ZFHX2: variants seen among roughly 807,000 people sequenced by gnomAD.
The protein encoded by ZFHX2 is zinc finger homeobox 2, also known as zinc finger homeobox protein 2.
A neutral mutation model predicts 164.8 loss-of-function variants in ZFHX2; 75 were observed. That is an observed-to-expected ratio of 0.46 (90% CI 0.38 to 0.55). The LOEUF is 0.55. ZFHX2 is among the 20% of genes least tolerant of loss of function. The pLI, the probability that ZFHX2 is intolerant of heterozygous loss-of-function variation, is 0.00. For synonymous variants in ZFHX2, 1,217 were observed against 1,351.4 expected (o/e 0.90, Z 2.18); for missense variants, 2,933 against 3,308.0 (o/e 0.89, Z 2.78).
chr14:23,540,717 GA>G (rs1478675911), intron 1 of ZFHX2, among the ~76,000 whole-genome samples: 2 of 152,160 alleles, frequency 1.3e-5, no homozygotes, highest in Non-Finnish European at 2.9e-5. Flanking sequence ...CCTTATCTGG[GA>G]AAATGGGAAT....
intron 4 of ZFHX2, chr14:23,530,539 G>A: frequency 2.0e-6 from 1 of 496,794 alleles, no homozygotes; most frequent in Admixed American, 2.7e-5. Flanking sequence ...TGTAGTAGGA[G>A]GGGCACTGAA....
In ZFHX2 at chr14:23,528,743, C is replaced by T. The variant is rs559117931; in HGVS notation, c.2935-939G>A. 7 of 985,442 alleles carry T rather than the reference C, an allele frequency of 7.1e-6. No homozygotes were observed. In the African/African-American group the frequency reaches 1.2e-4, roughly 17 times the overall value. The allele number at this position is 985,442 out of a possible 1,614,324, so 61.0% of individuals were successfully genotyped here. ...ATGTGAATAAACACCACAGCTCCCC[C>T]AGTGGCCCAGGAAAATTCTGGCCCA... is the stretch of plus-strand genomic sequence containing the variant. On this transcript the variant is annotated intron_variant, in intron 6 of 9. Transcript: ENST00000419474.
Position 23,527,652 on chromosome 14 carries a change from G to A in ZFHX2, c.3087C>T (p.Ser1029=), listed in dbSNP as rs1165650364. ...ACTCGGGCACCACGTTGTGAAGGTG[G>A]CTAAGGTGGAAGTGCAGGGCAGGCC... ...VGRPALHFHL[S]HLHNVVPECV... Residue 1029 remains serine, a synonymous_variant, in exon 7 of 10, where the codon AGC becomes AGT. Coordinates refer to ENST00000419474, the MANE Select transcript of ZFHX2 (RefSeq NM_033400.3). 1.3e-6 allele frequency: 2 copies of A among 1,536,352 alleles called. No homozygotes were observed. The highest frequency in any genetic ancestry group is 2.7e-5 in the African/African-American group (2 of 73,060).
At position 23,550,270 on chromosome 14, in the gene ZFHX2, C is replaced by T. The variant is rs148476141; in HGVS notation, c.-50+1073G>A. ...ATGCTGAAGGCACTAGAGGCTTTGGCGAAGACACATTTGCTCCATCATCCC... is the reference window on the plus strand; with the variant it reads ...ATGCTGAAGGCACTAGAGGCTTTGGTGAAGACACATTTGCTCCATCATCCC... On this transcript the variant is annotated intron_variant, in intron 1 of 9. Coordinates refer to ENST00000419474, the MANE Select transcript of ZFHX2 (RefSeq NM_033400.3). Among the ~76,000 whole-genome samples the T allele has an allele frequency of 1.8e-3, 273 of 152,290 alleles. 6 individuals carry two copies. The East Asian group carries it at 0.048, about 27-fold the overall frequency.
chr14:23,528,873 C>T (rs914705918), intron 6 of ZFHX2: 1 of 976,168 alleles, frequency 1.0e-6, no homozygotes, highest in Non-Finnish European at 1.2e-6. Flanking sequence ...CAGGCTGGCA[C>T]CAGTGGCACA....
rs570214491 is a variant in ZFHX2 at position 23,525,658 on chromosome 14, G to A, written c.4284C>T (p.Pro1428=). 160 of 1,535,360 alleles carry A rather than the reference G, an allele frequency of 1.0e-4. No homozygotes were observed. Among genetic ancestry groups the A allele is most frequent in the African/African-American group, 9.3e-4 (68 of 73,132 alleles). Residue 1428 remains proline (P), a synonymous_variant, in exon 9 of 10, where the codon CCC becomes CCT. Transcript: ENST00000419474. This position sits in a 1 kb window ranked among gnomAD's most constrained non-coding sequence, Gnocchi z 5.9. ...EGNEAGPSSP[P]DPLPNEAART... ...GGGCAGCCTCGTTGGGCAATGGGTCGGGGGGTGAGGAAGGCCCTGCCTCAT... is the reference window on the plus strand; with the variant it reads ...GGGCAGCCTCGTTGGGCAATGGGTCAGGGGGTGAGGAAGGCCCTGCCTCAT...
intron 4 of ZFHX2, chr14:23,530,719 G>A (rs765698437): frequency 6.4e-6 from 2 of 313,472 alleles, no homozygotes; most frequent in Non-Finnish European, 1.2e-5. Context: ...TCAGCCCTGC[G>A]CCAGGATCGT....
chr14:23,521,443 G>C lies in ZFHX2; in HGVS notation c.*519C>G, dbSNP rs551098210. ...GGGTTAGGAAGGAGAAGAGAGAGTG[G>C]CGAAGTTTGTTTTCCTTCCCCCTTC... On this transcript the variant is annotated 3_prime_UTR_variant, in exon 10 of 10. Transcript: ENST00000419474. The C allele has an allele frequency of 6.5e-6, 1 of 154,326 alleles. No individual in the cohort carries two copies. Among genetic ancestry groups the C allele is most frequent in the Non-Finnish European group, 1.4e-5 (1 of 69,464 alleles). The allele number at this position is 154,326 out of a possible 1,614,324, so 9.6% of individuals were successfully genotyped here.
At position 23,546,104 on chromosome 14, in the gene ZFHX2, T is replaced by TA. The variant is rs1760574098; in HGVS notation, c.-50+5238_-50+5239insT. ...GTTAAATTCCTGCCTACACCCATTC[T>TA]GCCCCACTGACTTTGCACATCAACG... On this transcript the variant is annotated intron_variant, in intron 1 of 9. Coordinates refer to ENST00000419474, the MANE Select transcript of ZFHX2 (RefSeq NM_033400.3). This position sits in a 1 kb window ranked among gnomAD's most constrained non-coding sequence, Gnocchi z 4.7. 6.6e-6 allele frequency among the ~76,000 whole-genome samples: 1 copy of TA among 152,210 alleles called. No individual in the cohort carries two copies.
Position 23,525,873 on chromosome 14 carries a change from T to C in ZFHX2, c.4069A>G (p.Lys1357Glu). ...PFPLVPESLL[K>E]LQQQQLLLPF... is the part of the protein sequence containing the mutation. The stretch of plus-strand genomic sequence containing the variant: ...AGGAGCAGCTGCTGCTGCTGGAGCT[T>C]AAGCAGTGATTCGGGCACCAGAGGG... Residue 1357 changes from lysine to glutamate, a missense_variant, in exon 9 of 10, where the codon AAG (lysine) becomes GAG (glutamate). Lys to Glu is a moderately conservative substitution (Grantham distance 56). Transcript: ENST00000419474. The surrounding 1 kb of genome is among the most constrained non-coding windows in gnomAD (Gnocchi z 5.9). The C allele has an allele frequency of 6.9e-7, 1 of 1,451,996 alleles. No individual in the cohort carries two copies. The highest frequency in any genetic ancestry group is 1.4e-5 in the South Asian group (1 of 69,804). The allele number at this position is 1,451,996 out of a possible 1,614,324, so 89.9% of individuals were successfully genotyped here.
rs1566575007 is a variant in ZFHX2, at chr14:23,525,244, TTCAGGGGCACGGG to T, written c.4685_4697del (p.Thr1562LysfsTer12). On this transcript the variant is annotated frameshift_variant, in exon 9 of 10. Coordinates refer to ENST00000419474, the MANE Select transcript of ZFHX2 (RefSeq NM_033400.3). LOFTEE classifies it high-confidence loss of function. The surrounding 1 kb of genome is among the most constrained non-coding windows in gnomAD (Gnocchi z 5.9). The stretch of plus-strand genomic sequence containing the variant: ...AGTGTCCCCCTGCTCGACTTCGCTC[TTCAGGGGCACGGG>T]TCCCCCCTGCCTCAGGCTCTGGGAC... The T allele has an allele frequency of 6.5e-7, 1 of 1,536,076 alleles. No homozygotes were observed. The highest frequency in any genetic ancestry group is 8.7e-7 in the Non-Finnish European group (1 of 1,146,880).
chr14:23,533,265 G>T lies in ZFHX2; in HGVS notation c.2041+20C>A, dbSNP rs1308210469. 36 of 1,435,946 alleles carry T rather than the reference G, an allele frequency of 2.5e-5. No individual in the cohort carries two copies. Among genetic ancestry groups the T allele is most frequent in the Non-Finnish European group, 3.2e-5 (35 of 1,099,542 alleles). 89.0% of individuals were successfully genotyped at this position (1,435,946 alleles called of 1,614,324 possible). A position where few individuals can be genotyped will look rare whatever the true frequency, so the allele number is the denominator to read the frequency against. On this transcript the variant is annotated intron_variant, in intron 2 of 9. Transcript: ENST00000419474. The surrounding 1 kb of genome is among the most constrained non-coding windows in gnomAD (Gnocchi z 4.8). Reference sequence around the variant, plus strand: ...TTGGCCCTGGGGAGGAGAGAAGAGGGAAGAAGCACAGAAGCTTACCGGATG... The same window carrying T: ...TTGGCCCTGGGGAGGAGAGAAGAGGTAAGAAGCACAGAAGCTTACCGGATG...
At position 23,526,127 on chromosome 14, in the gene ZFHX2, T is replaced by C. The variant is rs1177945697; in HGVS notation, c.3815A>G (p.His1272Arg). 2 of 1,536,490 alleles carry C rather than the reference T, an allele frequency of 1.3e-6. No individual in the cohort carries two copies. Among genetic ancestry groups the C allele is most frequent in the Admixed American group, 2.0e-5 (1 of 50,996 alleles). ...TLEIHMRSVL[H>R]QTRSRGTKTD... is the part of the protein sequence containing the mutation. ...CTTGGTTCCCCGAGAGCGAGTCTGA[T>C]GCAGAACTGACCGCATGTGGATCTC... The change falls in exon 9 of 10, where the codon CAT becomes CGT. Residue 1272 changes from histidine to arginine, a missense_variant. Transcript: ENST00000419474.
chr14:23,522,403 C>A lies in ZFHX2; in HGVS notation c.7278G>T (p.Glu2426Asp). The change falls in exon 10 of 10, where the codon GAG (glutamate) becomes GAT (aspartate). Residue 2426 changes from glutamate (E) to aspartate (D), a missense_variant. Transcript: ENST00000419474. ...PKPPELPAPG[E>D]GEAGEVDELL... ...GCTCATCAACCTCACCAGCTTCCCC[C>A]TCCCCTGGAGCAGGCAGTTCAGGAG... 6.5e-7 allele frequency: 1 copy of A among 1,536,412 alleles called. No individual in the cohort carries two copies. Among genetic ancestry groups the A allele is most frequent in the Non-Finnish European group, 8.7e-7 (1 of 1,146,920 alleles).
At chr14:23,555,789 A>C (rs1306793424), upstream of ZFHX2, 1 of 147,762 alleles carries the variant, frequency 6.8e-6, no homozygotes. Flanking sequence ...TTCCAGGCCC[A>C]TCTGCCTGCG....
chr14:23,550,878 C>A (rs1316797299), intron 1 of ZFHX2, among the ~76,000 whole-genome samples: 1 of 152,080 alleles, frequency 6.6e-6, no homozygotes, highest in Non-Finnish European at 1.5e-5. Flanking sequence ...GGCCGCGGTT[C>A]TCCCATCCCA....
intron 4 of ZFHX2, 172 bp from the exon 5 acceptor site, chr14:23,530,366 T>G: frequency 2.8e-6 from 2 of 702,432 alleles, no homozygotes; most frequent in Non-Finnish European, 5.2e-6. Context: ...ACACAGAAGA[T>G]AGAGGGAAAA....
In ZFHX2 at chr14:23,522,837, T is replaced by C. The variant is rs147208551; in HGVS notation, c.6844A>G (p.Met2282Val). Residue 2282 changes from methionine to valine, a missense_variant, in exon 10 of 10, where the codon ATG (methionine) becomes GTG (valine). By Grantham distance (21) the Met-to-Val change is conservative. Coordinates refer to ENST00000419474, the MANE Select transcript of ZFHX2 (RefSeq NM_033400.3). ...GTGGAGGTGTTGGTTTGGTCGGGCA[T>C]GGGTCTCTGAGGTAAGGGGCGGCCT... ...GPGRPLPQRP[M>V]PDQTNTSTAG... 2.6e-6 allele frequency: 4 copies of C among 1,534,000 alleles called. No individual in the cohort carries two copies. Among genetic ancestry groups the C allele is most frequent in the Non-Finnish European group, 3.5e-6 (4 of 1,145,606 alleles).
Position 23,525,855 on chromosome 14 carries a change from G to C in ZFHX2, c.4087C>G (p.Leu1363Val). 1.4e-6 allele frequency: 2 copies of C among 1,455,376 alleles called. No individual in the cohort carries two copies. The highest frequency in any genetic ancestry group is 1.8e-6 in the Non-Finnish European group (2 of 1,109,370). 90.2% of individuals were successfully genotyped at this position (1,455,376 alleles called of 1,614,324 possible). Reference sequence around the variant, plus strand: ...TCGTGGAGGTAGAAGGGCAGGAGCAGCTGCTGCTGCTGGAGCTTAAGCAGT... The same window carrying C: ...TCGTGGAGGTAGAAGGGCAGGAGCACCTGCTGCTGCTGGAGCTTAAGCAGT... ...ESLLKLQQQQLLLPFYLHDLK... is the reference protein window; with the variant it reads ...ESLLKLQQQQVLLPFYLHDLK... The change falls in exon 9 of 10, where the codon CTG (leucine) becomes GTG (valine). Residue 1363 changes from leucine to valine, a missense_variant. Physicochemically the swap from Leu to Val is conservative, Grantham distance 32. Coordinates refer to ENST00000419474, the MANE Select transcript of ZFHX2 (RefSeq NM_033400.3). This position sits in a 1 kb window ranked among gnomAD's most constrained non-coding sequence, Gnocchi z 5.9.
Sources: allele counts gnomAD v4.1 joint callset (sites outside exome capture counted in the v4.1 genomes callset), GRCh38; gene constraint gnomAD v4.1.1; non-coding constraint Gnocchi (gnomAD v3.1); transcripts MANE v1.5; gene names NCBI Gene and HGNC (gene_info 2026-07-23, HGNC 2026-07-21).